Variants in KCNJ12 observed in about 807,000 individuals in gnomAD.
The protein encoded by KCNJ12 is ATP-sensitive inward rectifier potassium channel 12.
Under a neutral mutation model 22.3 loss-of-function variants are expected in KCNJ12, and 2 were observed. That is an observed-to-expected ratio of 0.09 (90% CI 0.04 to 0.28). The LOEUF (loss-of-function observed/expected upper bound fraction) is 0.28, where lower values mean the gene tolerates loss of function less well. Ranked by LOEUF, KCNJ12 falls within the 10% of genes least tolerant of loss-of-function variation. The pLI is 1.00. For synonymous variants in KCNJ12, 117 were observed against 261.4 expected, an observed-to-expected ratio of 0.45 and a Z score of 5.33; for missense variants, 155 against 633.3, an observed-to-expected ratio of 0.24 and a Z score of 8.11.
chr17:21,393,245 G>T (rs1163480021), intron 1 of KCNJ12, among the ~76,000 whole-genome samples: 1 of 152,216 alleles, frequency 6.6e-6, no homozygotes, highest in Non-Finnish European at 1.5e-5. Context: ...AGGCTCAGAG[G>T]TGGAGGGAAT....
intron 1 of KCNJ12, among the ~76,000 whole-genome samples, chr17:21,389,762 C>T (rs1478585525): frequency 2.0e-5 from 3 of 152,144 alleles, no homozygotes; most frequent in African/African-American, 7.2e-5. Context: ...CACCAGTGTT[C>T]AGCTCAGGGG....
At position 21,400,215 on chromosome 17, in the gene KCNJ12, G is replaced by A. The variant is rs80195496; in HGVS notation, c.-178-8304G>A. 5.9e-5 allele frequency among the ~76,000 whole-genome samples: 9 copies of A among 152,350 alleles called. No individual in the cohort carries two copies. In the South Asian group the frequency reaches 1.9e-3, roughly 32 times the overall value. ...TGGGCTGCACATGCAAAGGCCACCT[G>A]GGGGTGGGGAGCAAGCTCCTGGCCT... On this transcript the variant is annotated intron_variant, in intron 1 of 2. Coordinates refer to ENST00000583088, the MANE Select transcript of KCNJ12 (RefSeq NM_021012.5).
chr17:21,419,177 G>C lies in KCNJ12; in HGVS notation c.*2533G>C, dbSNP rs1555563390. ...GCGAGGAAGACTTGGCCCCTGGGGA[G>C]TGTGTGTGTGGAGGCGTGTGCCTGT... On this transcript the variant is annotated 3_prime_UTR_variant, in exon 3 of 3. Transcript: ENST00000583088. 6.0e-6 allele frequency: 1 copy of C among 167,028 alleles called. No homozygotes were observed. The highest frequency in any genetic ancestry group is 1.5e-5 in the Non-Finnish European group (1 of 68,166). 10.3% of individuals were successfully genotyped at this position (167,028 alleles called of 1,614,324 possible). A position where few individuals can be genotyped will look rare whatever the true frequency, so the allele number is the denominator to read the frequency against.
intron 1 of KCNJ12, among the ~76,000 whole-genome samples, chr17:21,390,439 C>G (rs1402649468): frequency 6.6e-6 from 1 of 152,248 alleles, no homozygotes; most frequent in Non-Finnish European, 1.5e-5. Context: ...GGGAGAGGGA[C>G]TCGCTTCTGG....
At chr17:21,386,568 C>T (rs1269937998) in intron 1 of KCNJ12, among the ~76,000 whole-genome samples, 1 of 152,032 alleles carries the variant, frequency 6.6e-6, no homozygotes, top group South Asian at 2.1e-4. Context: ...AGTGCAGTGG[C>T]GTGATCTCGG....
At chr17:21,406,709 G>C (rs1905961602) in intron 1 of KCNJ12, among the ~76,000 whole-genome samples, 1 of 152,310 alleles carries the variant, frequency 6.6e-6, no homozygotes, top group African/African-American at 2.4e-5. Flanking sequence ...CTAAACCACT[G>C]TCACCTGTCC....
At chr17:21,378,840 G>C (rs1555557591) in intron 1 of KCNJ12, among the ~76,000 whole-genome samples, 1 of 152,118 alleles carries the variant, frequency 6.6e-6, no homozygotes, top group Non-Finnish European at 1.5e-5. Flanking sequence ...TCCCCCTGCA[G>C]CTACCCCGTC....
intron 1 of KCNJ12, among the ~76,000 whole-genome samples, chr17:21,377,278 G>T (rs1464281241): frequency 6.6e-6 from 1 of 152,022 alleles, no homozygotes; most frequent in Non-Finnish European, 1.5e-5. Context: ...GCACTCTGGC[G>T]CGCGGCACGG....
At chr17:21,380,305 G>T (rs1904821912) in intron 1 of KCNJ12, among the ~76,000 whole-genome samples, 1 of 152,206 alleles carries the variant, frequency 6.6e-6, no homozygotes, top group Non-Finnish European at 1.5e-5. Context: ...TGGGGGCTGA[G>T]TTCTGGGGCT....
At chr17:21,378,949 G>A (rs1212819265) in intron 1 of KCNJ12, among the ~76,000 whole-genome samples, 2 of 152,154 alleles carry the variant, frequency 1.3e-5, no homozygotes, top group African/African-American at 4.8e-5. Flanking sequence ...GTGGTGGAGG[G>A]GTATTGCCTA....
At chr17:21,385,476 C>A (rs1256393336) in intron 1 of KCNJ12, among the ~76,000 whole-genome samples, 2 of 152,180 alleles carry the variant, frequency 1.3e-5, no homozygotes, top group African/African-American at 4.8e-5. Flanking sequence ...CCTGCCATCA[C>A]CCCGGCCTGC....
rs1196370899 is a variant in KCNJ12, at chr17:21,417,481, TC to T, written c.*841del. 1 of 167,208 alleles carries T rather than the reference TC, an allele frequency of 6.0e-6. No individual in the cohort carries two copies. 10.4% of individuals were successfully genotyped at this position (167,208 alleles called of 1,614,324 possible). A position where few individuals can be genotyped will look rare whatever the true frequency, so the allele number is the denominator to read the frequency against. Reference sequence around the variant, plus strand: ...CATGGGACCTGCCATCGAGGGTTCCTCCCCGCACCCTCGATTTTCCTGTTTT... The same window carrying T: ...CATGGGACCTGCCATCGAGGGTTCCTCCCGCACCCTCGATTTTCCTGTTTT... On this transcript the variant is annotated 3_prime_UTR_variant, in exon 3 of 3. Transcript: ENST00000583088.
intron 1 of KCNJ12, among the ~76,000 whole-genome samples, chr17:21,386,787 T>C (rs782808070): frequency 1.3e-5 from 2 of 152,176 alleles, no homozygotes; most frequent in Non-Finnish European, 2.9e-5. Flanking sequence ...ATTACAGGTG[T>C]GAATCACCGC....
At chr17:21,398,861 A>T (rs1339321817) in intron 1 of KCNJ12, among the ~76,000 whole-genome samples, 3 of 152,266 alleles carry the variant, frequency 2.0e-5, no homozygotes, top group African/African-American at 7.2e-5. Context: ...TGCATAGCAC[A>T]TAGCACTGTA....
intron 1 of KCNJ12, among the ~76,000 whole-genome samples, chr17:21,377,651 GACAGC>G (rs1904712967): frequency 6.6e-6 from 1 of 152,048 alleles, no homozygotes; most frequent in African/African-American, 2.4e-5. Context: ...CATGGGCAGA[GACAGC>G]TGGGGTGGGG....
intron 1 of KCNJ12, among the ~76,000 whole-genome samples, chr17:21,393,095 G>A (rs979178396): frequency 6.6e-6 from 1 of 152,098 alleles, no homozygotes; most frequent in Non-Finnish European, 1.5e-5. Context: ...CTCCCTGCAC[G>A]GCCGTACCGG....
chr17:21,396,601 G>A (rs1203804091), intron 1 of KCNJ12, among the ~76,000 whole-genome samples: 1 of 152,120 alleles, frequency 6.6e-6, no homozygotes, highest in Non-Finnish European at 1.5e-5. Flanking sequence ...GATGCCCGGT[G>A]TGGGTATCAG....
chr17:21,381,252 G>A (rs1038397189), intron 1 of KCNJ12, among the ~76,000 whole-genome samples: 2 of 152,104 alleles, frequency 1.3e-5, no homozygotes, highest in Non-Finnish European at 2.9e-5. Context: ...TGCAGCCCAG[G>A]CCTCTTTGAA....
At chr17:21,386,335 C>T (rs1170701132) in intron 1 of KCNJ12, among the ~76,000 whole-genome samples, 31 of 152,020 alleles carry the variant, frequency 2.0e-4, no homozygotes, top group Admixed American at 2.0e-3. Flanking sequence ...CTCTCCCTCT[C>T]CTCTCTCTCA....
Sources: allele counts gnomAD v4.1 joint callset (sites outside exome capture counted in the v4.1 genomes callset), GRCh38; gene constraint gnomAD v4.1.1; transcripts MANE v1.5; gene names NCBI Gene and HGNC (gene_info 2026-07-23, HGNC 2026-07-21).